Variants in ZDHHC20 observed in about 807,000 individuals in gnomAD.
ZDHHC20 encodes the protein palmitoyltransferase ZDHHC20.
ZDHHC20 carries 43 observed loss-of-function variants against 57.8 expected under a neutral mutation model. The ratio of observed to expected loss-of-function variants is 0.74; its 90% confidence interval spans 0.58 to 0.96. The LOEUF is 0.96. Among genes scored for constraint, ZDHHC20 ranks in the 40% least tolerant of loss-of-function variants. The probability of loss-of-function intolerance (pLI) is 0.00; values close to 1 mark genes in which losing one functional copy is unlikely to be tolerated. For synonymous variants in ZDHHC20, 157 were observed against 153.0 expected (o/e 1.03, Z -0.19); for missense variants, 391 against 441.1 (o/e 0.89, Z 1.02).
At chr13:21,437,766 A>T (rs977117971) in intron 1 of ZDHHC20, among the ~76,000 whole-genome samples, 1 of 151,562 alleles carries the variant, frequency 6.6e-6, no homozygotes, top group Non-Finnish European at 1.5e-5. Flanking sequence ...ATCTCAGCTC[A>T]CTGCCACCTC....
In ZDHHC20 at chr13:21,459,256, C is replaced by A. The variant is rs983879935; in HGVS notation, c.-85G>T. ...GCGACGGTGACTCGGACGCTCCAGG[C>A]GGCTGCTGGTCCAGCTCCCCCGCCT... On this transcript the variant is annotated 5_prime_UTR_variant, in exon 1 of 13. Transcript: ENST00000400590. 1 of 1,081,374 alleles carries A rather than the reference C, an allele frequency of 9.2e-7. No homozygotes were observed. The highest frequency in any genetic ancestry group is 1.3e-6 in the Non-Finnish European group (1 of 770,568). The allele number at this position is 1,081,374 out of a possible 1,614,324, so 67.0% of individuals were successfully genotyped here. A position where few individuals can be genotyped will look rare whatever the true frequency, so the allele number is the denominator to read the frequency against.
chr13:21,405,091 T>C (rs573203989), intron 4 of ZDHHC20, among the ~76,000 whole-genome samples: 1 of 152,262 alleles, frequency 6.6e-6, no homozygotes, highest in South Asian at 2.1e-4. Context: ...AGTGGTGTCA[T>C]GGGTGAGATG....
intron 1 of ZDHHC20, among the ~76,000 whole-genome samples, chr13:21,454,492 A>C (rs1348807026): frequency 6.6e-6 from 1 of 152,220 alleles, no homozygotes; most frequent in African/African-American, 2.4e-5. Context: ...ATAAAACTAA[A>C]GCAGTATTTG....
At chr13:21,409,730 G>C (rs1878954484) in intron 4 of ZDHHC20, among the ~76,000 whole-genome samples, 1 of 152,074 alleles carries the variant, frequency 6.6e-6, no homozygotes, top group Admixed American at 6.6e-5. Context: ...GTGTTTTTCA[G>C]CTCCATCAAG....
rs1396166457 is a variant in ZDHHC20 at position 21,374,541 on chromosome 13, G to C, written c.*2155C>G. ...TGAGCCACCACACCCAGCAATAATT[G>C]GTATCTCTTAAATCTCATTCTAGTT... On this transcript the variant is annotated 3_prime_UTR_variant, in exon 13 of 13. Coordinates refer to ENST00000400590, the MANE Select transcript of ZDHHC20 (RefSeq NM_001330059.2). 1 of 400,316 alleles carries C rather than the reference G, an allele frequency of 2.5e-6. No homozygotes were observed. Among genetic ancestry groups the C allele is most frequent in the Non-Finnish European group, 5.1e-6 (1 of 196,728 alleles). The allele number at this position is 400,316 out of a possible 1,614,324, so 24.8% of individuals were successfully genotyped here.
intron 1 of ZDHHC20, among the ~76,000 whole-genome samples, chr13:21,443,117 G>C (rs1163236964): frequency 1.3e-5 from 2 of 152,058 alleles, no homozygotes; most frequent in African/African-American, 2.4e-5. Context: ...TGATACTCTT[G>C]GTTTCAGCTG....
At chr13:21,377,978 C>G (rs1872539273) in intron 12 of ZDHHC20, 1 of 152,148 alleles carries the variant, frequency 6.6e-6, no homozygotes, top group Non-Finnish European at 1.5e-5. Context: ...TTTCTTAGAG[C>G]CTTTAATTTT....
At chr13:21,430,329 C>T (rs965870703) in intron 1 of ZDHHC20, among the ~76,000 whole-genome samples, 33 of 151,984 alleles carry the variant, frequency 2.2e-4, no homozygotes, top group African/African-American at 6.8e-4. Flanking sequence ...GGTAGAGGTG[C>T]CTCCTTAGTG....
At chr13:21,454,515 T>C (rs1884741026) in intron 1 of ZDHHC20, among the ~76,000 whole-genome samples, 1 of 152,188 alleles carries the variant, frequency 6.6e-6, no homozygotes. Context: ...GGTAAATTTA[T>C]AGGACTACCT....
At chr13:21,381,823 T>C (rs1411536254) in intron 10 of ZDHHC20, 12 of 557,162 alleles carry the variant, frequency 2.2e-5, no homozygotes, top group Non-Finnish European at 3.4e-5. Flanking sequence ...TGAAATGTTC[T>C]TAATATGTTA....
chr13:21,375,102 C>G lies in ZDHHC20; in HGVS notation c.*1594G>C, dbSNP rs772475729. On this transcript the variant is annotated 3_prime_UTR_variant, in exon 13 of 13. Coordinates refer to ENST00000400590, the MANE Select transcript of ZDHHC20 (RefSeq NM_001330059.2). The stretch of plus-strand genomic sequence containing the variant: ...CGAGCCAAGATCCCGCCACTGCACT[C>G]CTGCCTGGGAGACAGAGCAAAACTC... The G allele has an allele frequency of 8.6e-5, 39 of 455,624 alleles. No homozygotes were observed. Among genetic ancestry groups the G allele is most frequent in the South Asian group, 5.7e-4 (37 of 64,530 alleles). The allele number at this position is 455,624 out of a possible 1,614,324, so 28.2% of individuals were successfully genotyped here.
At position 21,373,288 on chromosome 13, in the gene ZDHHC20, T is replaced by C. The variant is rs1455877552; in HGVS notation, c.*3408A>G. Reference sequence around the variant, plus strand: ...CTAAGCCCTTAATATACATCTACTTTAAAGATAACTGAAAGATCTCACATG... The same window carrying C: ...CTAAGCCCTTAATATACATCTACTTCAAAGATAACTGAAAGATCTCACATG... On this transcript the variant is annotated 3_prime_UTR_variant, in exon 13 of 13. Coordinates refer to ENST00000400590, the MANE Select transcript of ZDHHC20 (RefSeq NM_001330059.2). The C allele has an allele frequency of 2.6e-5, 4 of 152,226 alleles. No individual in the cohort carries two copies. Among genetic ancestry groups the C allele is most frequent in the Non-Finnish European group, 5.9e-5 (4 of 68,028 alleles). 9.4% of individuals were successfully genotyped at this position (152,226 alleles called of 1,614,324 possible). A position where few individuals can be genotyped will look rare whatever the true frequency, so the allele number is the denominator to read the frequency against.
intron 4 of ZDHHC20, among the ~76,000 whole-genome samples, chr13:21,412,954 C>T (rs1245865919): frequency 2.7e-5 from 3 of 112,538 alleles, no homozygotes; most frequent in Non-Finnish European, 3.3e-5. Context: ...GGCCACAGAG[C>T]GAGACTCCGT....
At chr13:21,410,105 T>A (rs1307783325) in intron 4 of ZDHHC20, among the ~76,000 whole-genome samples, 1 of 152,242 alleles carries the variant, frequency 6.6e-6, no homozygotes, top group Admixed American at 6.5e-5. Context: ...ATGCTACTGC[T>A]TTCTGTTTGT....
In ZDHHC20 at chr13:21,379,055, TGCCTAGGCTG is replaced by T. The variant is rs552357529; in HGVS notation, c.1061-327_1061-318del. Among the ~76,000 whole-genome samples, 289 of 152,332 alleles carry T rather than the reference TGCCTAGGCTG, an allele frequency of 1.9e-3. 2 individuals carry two copies. Among genetic ancestry groups the T allele is most frequent in the African/African-American group, 6.4e-3 (266 of 41,580 alleles). Reference sequence around the variant, plus strand: ...TTTTAGAGACGGGCCTTAATAGTATTGCCTAGGCTGGCCTTAAACTTTGGAATTTTTCCTT... The same window carrying T: ...TTTTAGAGACGGGCCTTAATAGTATTGCCTTAAACTTTGGAATTTTTCCTT... On this transcript the variant is annotated intron_variant, in intron 11 of 12. Transcript: ENST00000400590.
chr13:21,443,309 T>G (rs565905795), intron 1 of ZDHHC20, among the ~76,000 whole-genome samples: 1 of 152,336 alleles, frequency 6.6e-6, no homozygotes, highest in East Asian at 1.9e-4. Flanking sequence ...TGCTATGCTC[T>G]GATCCACCAG....
chr13:21,392,240 C>T (rs1875865965), intron 7 of ZDHHC20, among the ~76,000 whole-genome samples: 1 of 150,832 alleles, frequency 6.6e-6, no homozygotes, highest in African/African-American at 2.4e-5. Context: ...AATAGCAATA[C>T]TTCCAGTAAT....
At chr13:21,417,348 A>T (rs1252857531) in intron 3 of ZDHHC20, among the ~76,000 whole-genome samples, 1 of 152,068 alleles carries the variant, frequency 6.6e-6, no homozygotes, top group African/African-American at 2.4e-5. Context: ...GGTGGTCAAG[A>T]AGTACTGGAT....
chr13:21,412,754 A>G (rs991162907), intron 4 of ZDHHC20, among the ~76,000 whole-genome samples: 1 of 152,082 alleles, frequency 6.6e-6, no homozygotes, highest in Non-Finnish European at 1.5e-5. Flanking sequence ...AGATCACTTG[A>G]GGCCAGGAAT....
Sources: gnomAD v4.1 joint callset for allele counts (sites outside exome capture counted in the v4.1 genomes callset) on GRCh38, gnomAD v4.1.1 for gene constraint, MANE v1.5 for transcripts, NCBI Gene and HGNC (gene_info 2026-07-23, HGNC 2026-07-21) for gene names.